The following PHACTR2 variants were observed in gnomAD, a reference collection of about 807,000 sequenced individuals.
PHACTR2 encodes chromosome 6 open reading frame 56.
Under a neutral mutation model 76.0 loss-of-function variants are expected in PHACTR2, and 30 were observed. The ratio of observed to expected loss-of-function variants is 0.39; its 90% confidence interval spans 0.30 to 0.54. The LOEUF is 0.54. Among genes scored for constraint, PHACTR2 ranks in the 20% least tolerant of loss-of-function variants. The pLI is 0.61. For synonymous variants in PHACTR2, 292 were observed against 292.5 expected (o/e 1.00, Z 0.02); for missense variants, 696 against 781.1 (o/e 0.89, Z 1.30).
At chr6:143,725,287 G>A (rs1446025386) in intron 2 of PHACTR2, among the ~76,000 whole-genome samples, 1 of 129,836 alleles carries the variant, frequency 7.7e-6, no homozygotes, top group Admixed American at 9.1e-5. Flanking sequence ...GGCAAGCTCC[G>A]CCTCCTGGGT....
intron 1 of PHACTR2, among the ~76,000 whole-genome samples, chr6:143,637,030 C>T (rs373661656): frequency 1.3e-5 from 2 of 152,192 alleles, no homozygotes; most frequent in Admixed American, 6.5e-5. Flanking sequence ...ATTCTCAACA[C>T]GAGGGTTGCC....
At position 143,820,160 on chromosome 6, in the gene PHACTR2, T is replaced by C. The variant is rs1384693340; in HGVS notation, c.1923-3514T>C. Among the ~76,000 whole-genome samples the C allele has an allele frequency of 6.6e-6, 1 of 152,138 alleles. No individual in the cohort carries two copies. On this transcript the variant is annotated intron_variant, in intron 12 of 12. Transcript: ENST00000440869. This position sits in a 1 kb window ranked among gnomAD's most constrained non-coding sequence, Gnocchi z 4.2. ...ACACCTCCCAGCCCCACCTCCAGCA[T>C]TGGGGATTATATTCCAACATGAGAT...
intron 11 of PHACTR2, among the ~76,000 whole-genome samples, chr6:143,797,959 A>G (rs980431563): frequency 6.6e-6 from 1 of 152,194 alleles, no homozygotes; most frequent in Non-Finnish European, 1.5e-5. Flanking sequence ...CTGGATGGGG[A>G]TAGCATTGAA....
chr6:143,608,026 T>C (rs997002314), upstream of PHACTR2, among the ~76,000 whole-genome samples: 1 of 152,248 alleles, frequency 6.6e-6, no homozygotes, highest in African/African-American at 2.4e-5. This position sits in a 1 kb window ranked among gnomAD's most constrained non-coding sequence, Gnocchi z 4.6. Flanking sequence ...CAGTGATTTT[T>C]TTCCCCCTCC....
At chr6:143,650,943 G>T (rs189335797) in intron 1 of PHACTR2, among the ~76,000 whole-genome samples, 18 of 152,024 alleles carry the variant, frequency 1.2e-4, no homozygotes, top group East Asian at 1.2e-3. Context: ...TCTGACAAAG[G>T]TCTAATATCC....
At position 143,765,878 on chromosome 6, in the gene PHACTR2, T is replaced by C; in HGVS notation, c.1232+80T>C. On this transcript the variant is annotated intron_variant, in intron 6 of 12. Coordinates refer to ENST00000440869, the MANE Select transcript of PHACTR2 (RefSeq NM_001100164.2). The surrounding 1 kb of genome is among the most constrained non-coding windows in gnomAD (Gnocchi z 4.1). The stretch of plus-strand genomic sequence containing the variant: ...ATTCTGTTGGAAATGAAGCACCGGG[T>C]TTGCTTTCTTATATAATTTAATCTA... 8 of 1,247,226 alleles carry C rather than the reference T, an allele frequency of 6.4e-6. No homozygotes were observed. The highest frequency in any genetic ancestry group is 7.8e-6 in the Non-Finnish European group (7 of 892,602). 77.3% of individuals were successfully genotyped at this position (1,247,226 alleles called of 1,614,324 possible).
intron 1 of PHACTR2, among the ~76,000 whole-genome samples, chr6:143,567,694 C>G (rs966213997): frequency 9.2e-5 from 14 of 152,130 alleles, no homozygotes; most frequent in Non-Finnish European, 1.5e-5. Context: ...CCACCGCCCC[C>G]TATCTTTGAT....
intron 1 of PHACTR2, among the ~76,000 whole-genome samples, chr6:143,690,188 A>G (rs529223951): frequency 2.0e-5 from 3 of 152,266 alleles, no homozygotes; most frequent in East Asian, 1.9e-4. Flanking sequence ...CTTGTTATGT[A>G]TTTAACGAAT....
rs1332685512 is a variant in PHACTR2, at chr6:143,658,867, A to G, written c.13+50545A>G. On this transcript the variant is annotated intron_variant, in intron 1 of 11. Coordinates refer to the PHACTR2 transcript ENST00000305766. The surrounding 1 kb of genome is among the most constrained non-coding windows in gnomAD (Gnocchi z 4.1). ...TGGTGAAACCTCATCTCTACTAAAAATACAAAACTTAGCCGGTCAGGGTGG... is the reference window on the plus strand; with the variant it reads ...TGGTGAAACCTCATCTCTACTAAAAGTACAAAACTTAGCCGGTCAGGGTGG... Among the ~76,000 whole-genome samples, 1 of 152,018 alleles carries G rather than the reference A, an allele frequency of 6.6e-6. No homozygotes were observed. The highest frequency in any genetic ancestry group is 2.4e-5 in the African/African-American group (1 of 41,382).
chr6:143,696,409 A>G lies in PHACTR2; in HGVS notation c.47-15607A>G, dbSNP rs1372154588. 6.6e-6 allele frequency among the ~76,000 whole-genome samples: 1 copy of G among 152,192 alleles called. No individual in the cohort carries two copies. The highest frequency in any genetic ancestry group is 1.5e-5 in the Non-Finnish European group (1 of 68,038). On this transcript the variant is annotated intron_variant, in intron 1 of 12. Transcript: ENST00000440869. The surrounding 1 kb of genome is among the most constrained non-coding windows in gnomAD (Gnocchi z 4.1). ...TTTGCTGCCCCAATTGCTCCAAATC[A>G]TAAATAACCCACTCTCCATTTTTAT...
chr6:143,627,074 G>A lies in PHACTR2; in HGVS notation c.13+18752G>A, dbSNP rs1426698563. On this transcript the variant is annotated intron_variant, in intron 1 of 11. Coordinates refer to the PHACTR2 transcript ENST00000305766. The surrounding 1 kb of genome is among the most constrained non-coding windows in gnomAD (Gnocchi z 4.3). ...TTCTTACCCTTGAGACGCCAACACT[G>A]TTGTGAGGAGACCGATGAGACATAG... Among the ~76,000 whole-genome samples, 1 of 152,184 alleles carries A rather than the reference G, an allele frequency of 6.6e-6. No homozygotes were observed. Among genetic ancestry groups the A allele is most frequent in the African/African-American group, 2.4e-5 (1 of 41,436 alleles).
At chr6:143,640,490 G>A (rs1416296155) in intron 1 of PHACTR2, among the ~76,000 whole-genome samples, 2 of 152,142 alleles carry the variant, frequency 1.3e-5, no homozygotes, top group Non-Finnish European at 2.9e-5. Context: ...GAAGTGCAGA[G>A]ATGGAGGAGA....
chr6:143,551,676 C>G (rs187269940), intron 1 of PHACTR2, among the ~76,000 whole-genome samples: 2 of 152,150 alleles, frequency 1.3e-5, no homozygotes, highest in East Asian at 1.9e-4. Flanking sequence ...TGAGATACAC[C>G]TTAGTATCAG....
intron 4 of PHACTR2, among the ~76,000 whole-genome samples, chr6:143,758,154 A>G (rs192304824): frequency 1.3e-5 from 2 of 152,176 alleles, no homozygotes; most frequent in African/African-American, 4.8e-5. Flanking sequence ...CTGGTGAACT[A>G]TCTCCTCCTT....
At position 143,586,216 on chromosome 6, in the gene PHACTR2, A is replaced by G. The variant is rs550190078; in HGVS notation, c.217+49009A>G. 4.1e-3 allele frequency among the ~76,000 whole-genome samples: 627 copies of G among 152,250 alleles called. 8 individuals are homozygous for G. Among genetic ancestry groups the G allele is most frequent in the African/African-American group, 0.014 (595 of 41,530 alleles). On this transcript the variant is annotated intron_variant, in intron 1 of 11. Coordinates refer to the PHACTR2 transcript ENST00000367584. ...TGGCTGCAAGTGTAGAAAAAGAGAG[A>G]GAGAAGGAGAGAGAGGGTTGTAACT...
chr6:143,552,888 G>GAAAAAAAA (rs35606517), intron 1 of PHACTR2, among the ~76,000 whole-genome samples: 1 of 116,644 alleles, frequency 8.6e-6, no homozygotes. Context: ...ATCTCAAAAA[G>GAAAAAAAA]AAAAAAAAAA....
intron 2 of PHACTR2, among the ~76,000 whole-genome samples, chr6:143,724,272 C>A (rs1245485696): frequency 1.3e-5 from 2 of 152,104 alleles, no homozygotes; most frequent in African/African-American, 4.8e-5. Context: ...GGTGGGACCA[C>A]AGGTTCCCGC....
chr6:143,567,750 G>C (rs1403670239), intron 1 of PHACTR2, among the ~76,000 whole-genome samples: 2 of 151,886 alleles, frequency 1.3e-5, no homozygotes, highest in African/African-American at 4.9e-5. Context: ...CTACACTGGG[G>C]TACTGAGTTG....
intron 10 of PHACTR2, among the ~76,000 whole-genome samples, chr6:143,786,397 C>G (rs1381062360): frequency 4.6e-5 from 7 of 152,196 alleles, no homozygotes; most frequent in Non-Finnish European, 5.9e-5. Flanking sequence ...TTTGTCAAAG[C>G]CATTTAACAA....
Sources: allele counts gnomAD v4.1 joint callset (sites outside exome capture counted in the v4.1 genomes callset), GRCh38; gene constraint gnomAD v4.1.1; non-coding constraint Gnocchi (gnomAD v3.1); transcripts MANE v1.5; gene names NCBI Gene and HGNC (gene_info 2026-07-23, HGNC 2026-07-21).